The following EPAS1 variants were observed in gnomAD, a reference collection of about 807,000 sequenced individuals.
EPAS1 encodes endothelial PAS domain protein 1, also known as endothelial PAS domain-containing protein 1.
Under a neutral mutation model 87.9 loss-of-function variants are expected in EPAS1, and 23 were observed. The observed-to-expected ratio is 0.26, with a 90% CI of 0.19 to 0.37. The LOEUF (loss-of-function observed/expected upper bound fraction) is 0.37, where lower values mean the gene tolerates loss of function less well. Ranked by LOEUF, EPAS1 falls within the 10% of genes least tolerant of loss-of-function variation. The pLI is 1.00. For missense variants in EPAS1, 1,138 were observed against 1,120.7 expected (o/e 1.02, Z -0.22); for synonymous variants, 508 against 444.3 (o/e 1.14, Z -1.80).
intron 1 of EPAS1, among the ~76,000 whole-genome samples, chr2:46,311,773 G>A (rs1421656877): frequency 6.6e-6 from 1 of 152,160 alleles, no homozygotes; most frequent in Non-Finnish European, 1.5e-5. Context: ...ACCTTGGCTA[G>A]TGAGATGTTG....
chr2:46,302,122 G>C (rs1530534), intron 1 of EPAS1, among the ~76,000 whole-genome samples: 11,296 of 132,534 alleles, frequency 0.085, 747 homozygotes, highest in East Asian at 0.22. Context: ...TTCTCTCTGT[G>C]TGTGTGTGTG....
intron 6 of EPAS1, among the ~76,000 whole-genome samples, chr2:46,369,284 T>A (rs1007975710): frequency 1.3e-5 from 2 of 152,184 alleles, no homozygotes; most frequent in Non-Finnish European, 2.9e-5. Flanking sequence ...CTGCCTGGAC[T>A]CCCTCTCACG....
At chr2:46,315,527 G>A (rs1683296876) in intron 1 of EPAS1, among the ~76,000 whole-genome samples, 1 of 152,186 alleles carries the variant, frequency 6.6e-6, no homozygotes, top group African/African-American at 2.4e-5. Flanking sequence ...TGCTGCCCTG[G>A]GAAGGCCTTC....
intron 6 of EPAS1, among the ~76,000 whole-genome samples, chr2:46,366,440 C>G (rs897350275): frequency 1.1e-4 from 16 of 152,216 alleles, no homozygotes; most frequent in Admixed American, 8.5e-4. Flanking sequence ...TAACAACCCC[C>G]TTTAAAGCTG....
intron 1 of EPAS1, chr2:46,335,936 C>T (rs368079487): frequency 1.3e-5 from 2 of 152,332 alleles, no homozygotes; most frequent in East Asian, 3.9e-4. Context: ...AGTTGGCTCA[C>T]TCGGCCTCTG....
intron 6 of EPAS1, among the ~76,000 whole-genome samples, chr2:46,362,955 TGG>T (rs1235576349): frequency 6.9e-4 from 50 of 72,262 alleles, no homozygotes; most frequent in Middle Eastern, 7.4e-3. Flanking sequence ...TAATTGTTAG[TGG>T]TGGTGGTGGT....
At chr2:46,362,233 C>A (rs911138841) in intron 6 of EPAS1, among the ~76,000 whole-genome samples, 2 of 152,212 alleles carry the variant, frequency 1.3e-5, no homozygotes, top group African/African-American at 4.8e-5. Flanking sequence ...CCTCAGGAAA[C>A]CCTCAGATCT....
intron 1 of EPAS1, among the ~76,000 whole-genome samples, chr2:46,330,418 C>T (rs1683651368): frequency 6.6e-6 from 1 of 152,206 alleles, no homozygotes; most frequent in Non-Finnish European, 1.5e-5. Flanking sequence ...CTACCTTCTG[C>T]CCAGCACCTA....
chr2:46,381,050 C>T (rs1292111165), intron 12 of EPAS1: 2 of 411,698 alleles, frequency 4.9e-6, no homozygotes, highest in Non-Finnish European at 8.9e-6. Flanking sequence ...GATGATTTTC[C>T]CTGGTTGAAA....
At chr2:46,302,185 C>T (rs1683020249) in intron 1 of EPAS1, among the ~76,000 whole-genome samples, 1 of 146,034 alleles carries the variant, frequency 6.8e-6, no homozygotes, top group South Asian at 2.2e-4. Context: ...TGGTGATTCT[C>T]AACTTTCTAG....
intron 15 of EPAS1, among the ~76,000 whole-genome samples, chr2:46,382,936 C>T (rs2103679245): frequency 6.6e-6 from 1 of 152,326 alleles, no homozygotes; most frequent in Non-Finnish European, 1.5e-5. Flanking sequence ...CACTGTACCA[C>T]TGTTGACAGG....
At chr2:46,366,842 C>T (rs183296300) in intron 6 of EPAS1, among the ~76,000 whole-genome samples, 4 of 152,356 alleles carry the variant, frequency 2.6e-5, no homozygotes, top group East Asian at 1.9e-4. Flanking sequence ...CCTTGTGTGC[C>T]GTAGGAGCGA....
intron 2 of EPAS1, among the ~76,000 whole-genome samples, chr2:46,353,497 C>T (rs139478760): frequency 3.9e-4 from 59 of 152,286 alleles, no homozygotes; most frequent in Non-Finnish European, 6.2e-4. Flanking sequence ...CACTGGGCCA[C>T]GCAAATTATG....
chr2:46,380,099 G>A lies in EPAS1; in HGVS notation c.1555-128G>A. Reference sequence around the variant, plus strand: ...TTTCCTGATAGGCCCTCGGGAGCCAGTGGAGGCGTTTGAGCAGCACTGTGA... The same window carrying A: ...TTTCCTGATAGGCCCTCGGGAGCCAATGGAGGCGTTTGAGCAGCACTGTGA... On this transcript the variant is annotated intron_variant, in intron 11 of 15. Coordinates refer to ENST00000263734, the MANE Select transcript of EPAS1 (RefSeq NM_001430.5). This position sits in a 1 kb window ranked among gnomAD's most constrained non-coding sequence, Gnocchi z 4.4. 6.7e-7 allele frequency: 1 copy of A among 1,497,850 alleles called. No individual in the cohort carries two copies. The highest frequency in any genetic ancestry group is 9.2e-7 in the Non-Finnish European group (1 of 1,089,076). 92.8% of individuals were successfully genotyped at this position (1,497,850 alleles called of 1,614,324 possible).
At chr2:46,318,208 ACG>A (rs1558585461) in intron 1 of EPAS1, among the ~76,000 whole-genome samples, 1 of 152,114 alleles carries the variant, frequency 6.6e-6, no homozygotes, top group Non-Finnish European at 1.5e-5. Flanking sequence ...AAACACACAC[ACG>A]CACACAGAGG....
chr2:46,349,355 C>T (rs1004443650), intron 2 of EPAS1, among the ~76,000 whole-genome samples: 1 of 152,240 alleles, frequency 6.6e-6, no homozygotes, highest in Non-Finnish European at 1.5e-5. Context: ...ACTCCCTGAG[C>T]ACATCTACCT....
In EPAS1 at chr2:46,308,462, G is replaced by GGT. The variant is rs894503281; in HGVS notation, c.26+10526_26+10527insTG. On this transcript the variant is annotated intron_variant, in intron 1 of 15. Transcript: ENST00000263734. The stretch of plus-strand genomic sequence containing the variant: ...CTAATACCTTGCTTGCTTTTTTTTG[G>GGT]GGGGGGGGGCTCTGAAATCATGCTT... Among the ~76,000 whole-genome samples, 4 of 137,346 alleles carry GGT rather than the reference G, an allele frequency of 2.9e-5. 1 individual carries two copies. Among genetic ancestry groups the GGT allele is most frequent in the Middle Eastern group, 3.7e-3 (1 of 270 alleles). 90.1% of individuals were successfully genotyped at this position (137,346 alleles called of 152,430 possible).
In EPAS1 at chr2:46,370,050, T is replaced by A. The variant is rs1684595555; in HGVS notation, c.886+117T>A. Reference sequence around the variant, plus strand: ...CTTCCTCCACAGAGCTGCTGTCTTGTGTGGCAGACAAGACTTATGCCCTCA... The same window carrying A: ...CTTCCTCCACAGAGCTGCTGTCTTGAGTGGCAGACAAGACTTATGCCCTCA... On this transcript the variant is annotated intron_variant, in intron 7 of 15. Transcript: ENST00000263734. 1.1e-5 allele frequency: 9 copies of A among 815,882 alleles called. No homozygotes were observed. In the East Asian group the frequency reaches 2.4e-4, roughly 22 times the overall value. The allele number at this position is 815,882 out of a possible 1,614,324, so 50.5% of individuals were successfully genotyped here.
At chr2:46,326,022 C>T (rs1683555191) in intron 1 of EPAS1, among the ~76,000 whole-genome samples, 1 of 152,134 alleles carries the variant, frequency 6.6e-6, no homozygotes, top group African/African-American at 2.4e-5. Context: ...AGCATGGGTG[C>T]TATTTTGAAT....
Sources: allele counts gnomAD v4.1 joint callset (sites outside exome capture counted in the v4.1 genomes callset), GRCh38; gene constraint gnomAD v4.1.1; non-coding constraint Gnocchi (gnomAD v3.1); transcripts MANE v1.5; gene names NCBI Gene and HGNC (gene_info 2026-07-23, HGNC 2026-07-21).